The following SLMAP variants were observed in gnomAD, a reference collection of about 807,000 sequenced individuals.
SLMAP encodes the protein sarcolemma associated protein, also known as sarcolemmal membrane-associated protein.
SLMAP carries 44 observed loss-of-function variants against 128.8 expected under a neutral mutation model. That is an observed-to-expected ratio of 0.34 (90% confidence interval 0.27 to 0.44). The LOEUF (loss-of-function observed/expected upper bound fraction) is 0.44. SLMAP is among the 20% of genes least tolerant of loss of function. The pLI is 1.00. For synonymous variants in SLMAP, 327 were observed against 348.8 expected, an observed-to-expected ratio of 0.94 and a Z score of 0.70; for missense variants, 787 against 985.3, an observed-to-expected ratio of 0.80 and a Z score of 2.69.
At chr3:57,803,924 T>C (rs1259652632) in intron 2 of SLMAP, among the ~76,000 whole-genome samples, 1 of 152,254 alleles carries the variant, frequency 6.6e-6, no homozygotes, top group Admixed American at 6.5e-5. Context: ...TTCTACTCTT[T>C]ACCGATTTTG....
chr3:57,852,045 G>T (rs945470195), intron 6 of SLMAP, among the ~76,000 whole-genome samples: 3 of 151,984 alleles, frequency 2.0e-5, no homozygotes, highest in Admixed American at 6.6e-5. Flanking sequence ...TGAGTAGCTG[G>T]GACTACAGGC....
chr3:57,788,173 A>C (rs537331845), intron 2 of SLMAP, among the ~76,000 whole-genome samples: 1 of 152,346 alleles, frequency 6.6e-6, no homozygotes, highest in Non-Finnish European at 1.5e-5. Flanking sequence ...ATTTTTGTGA[A>C]TCATATAGGA....
intron 2 of SLMAP, among the ~76,000 whole-genome samples, chr3:57,766,002 T>G (rs1297437093): frequency 6.9e-6 from 1 of 145,692 alleles, no homozygotes; most frequent in African/African-American, 2.5e-5. Context: ...TTTTCTTTCT[T>G]TTTTTTTTTT....
intron 3 of SLMAP, among the ~76,000 whole-genome samples, chr3:57,839,161 C>G (rs1342162794): frequency 6.6e-6 from 1 of 151,892 alleles, no homozygotes; most frequent in Non-Finnish European, 1.5e-5. Flanking sequence ...CTATGTTGCC[C>G]AAGCTGAACT....
chr3:57,870,902 T>A (rs1400336860), intron 13 of SLMAP, among the ~76,000 whole-genome samples: 1 of 152,214 alleles, frequency 6.6e-6, no homozygotes, highest in Non-Finnish European at 1.5e-5. Context: ...ACTCTTTAAA[T>A]CACAATAAAG....
In SLMAP at chr3:57,923,094, A is replaced by G. The variant is rs551649998; in HGVS notation, c.2445+71A>G. 7 of 1,394,780 alleles carry G rather than the reference A, an allele frequency of 5.0e-6. No homozygotes were observed. The African/African-American group carries it at 5.7e-5, about 11-fold the overall frequency. 86.4% of individuals were successfully genotyped at this position (1,394,780 alleles called of 1,614,324 possible). A position where few individuals can be genotyped will look rare whatever the true frequency, so the allele number is the denominator to read the frequency against. ...AGAGATTGAAATTGATTTTCAGAGG[A>G]CTTTATCACTGATTTGTGAAGCAAA... is the stretch of plus-strand genomic sequence containing the variant. On this transcript the variant is annotated intron_variant, in intron 23 of 24. Transcript: ENST00000671191.
chr3:57,877,038 CT>C (rs764650102), intron 14 of SLMAP, among the ~76,000 whole-genome samples: 350 of 145,404 alleles, frequency 2.4e-3, no homozygotes, highest in Middle Eastern at 3.5e-3. Flanking sequence ...CCTTTGTATT[CT>C]TTTTTTTTTT....
chr3:57,889,517 A>T lies in SLMAP; in HGVS notation c.1301-524A>T, dbSNP rs143372573. Among the ~76,000 whole-genome samples the T allele has an allele frequency of 1.4e-3, 219 of 152,340 alleles. 1 individual carries two copies. The highest frequency in any genetic ancestry group is 4.6e-3 in the African/African-American group (192 of 41,590). ...TGACTTTAAATTATAAAAAAGTAGC[A>T]TTATACATTTACAGAAAATCCCCCA... On this transcript the variant is annotated intron_variant, in intron 14 of 24. Coordinates refer to ENST00000671191, the MANE Select transcript of SLMAP (RefSeq NM_001377540.1).
chr3:57,763,964 G>T (rs2079163457), intron 2 of SLMAP, among the ~76,000 whole-genome samples: 1 of 152,164 alleles, frequency 6.6e-6, no homozygotes, highest in African/African-American at 2.4e-5. Context: ...AGCCAAGGGT[G>T]CACATCTATT....
At chr3:57,888,331 A>G (rs935233355) in intron 14 of SLMAP, among the ~76,000 whole-genome samples, 2 of 152,234 alleles carry the variant, frequency 1.3e-5, no homozygotes, top group Admixed American at 6.5e-5. Context: ...TTCAATATAA[A>G]TACTGATTAT....
At chr3:57,885,186 C>T (rs2095848055) in intron 14 of SLMAP, among the ~76,000 whole-genome samples, 1 of 151,588 alleles carries the variant, frequency 6.6e-6, no homozygotes, top group African/African-American at 2.4e-5. Context: ...AATTCTCCTG[C>T]CTCAGCCTCC....
At chr3:57,926,158 T>A in intron 24 of SLMAP, 2 of 532,774 alleles carry the variant, frequency 3.8e-6, no homozygotes, top group Non-Finnish European at 6.7e-6. Flanking sequence ...ATGAGTTAAT[T>A]CCAACCTAAC....
chr3:57,923,102 A>C, intron 23 of SLMAP, 79 bp downstream of exon 23: 1 of 1,358,012 alleles, frequency 7.4e-7, no homozygotes, highest in South Asian at 1.2e-5. Context: ...GGACTTTATC[A>C]CTGATTTGTG....
intron 14 of SLMAP, among the ~76,000 whole-genome samples, chr3:57,888,790 T>C (rs1446349899): frequency 1.3e-5 from 2 of 152,030 alleles, no homozygotes; most frequent in Non-Finnish European, 2.9e-5. Context: ...TGGCTAAAAG[T>C]TGTAGGAAGT....
intron 3 of SLMAP, 86 bp downstream of exon 3, chr3:57,831,616 A>G: frequency 1.0e-6 from 1 of 972,084 alleles, no homozygotes; most frequent in South Asian, 2.9e-5. Flanking sequence ...ATGAAACATT[A>G]CATGCTTGTG....
intron 5 of SLMAP, among the ~76,000 whole-genome samples, chr3:57,849,191 T>C (rs963189446): frequency 6.6e-6 from 1 of 152,074 alleles, no homozygotes; most frequent in African/African-American, 2.4e-5. Context: ...GCCCGGCCCT[T>C]TTTTGTTTGT....
At position 57,907,935 on chromosome 3, in the gene SLMAP, A is replaced by G. The variant is rs1470453143; in HGVS notation, c.1553A>G (p.His518Arg). The G allele has an allele frequency of 6.2e-7, 1 of 1,613,888 alleles. No homozygotes were observed. The highest frequency in any genetic ancestry group is 8.5e-7 in the Non-Finnish European group (1 of 1,179,790). Residue 518 changes from histidine (H) to arginine (R), a missense_variant, in exon 18 of 25, where the codon CAT becomes CGT. By Grantham distance (29) the His-to-Arg change is conservative. This residue lies in a region of SLMAP where 715 missense variants were observed against 843.6 expected (regional missense o/e 0.85). Coordinates refer to ENST00000671191, the MANE Select transcript of SLMAP (RefSeq NM_001377540.1). The part of the protein sequence containing the change: ...SEIEAKQEIQ[H>R]LRKELIEAQE... ...ATTGAGGCAAAGCAAGAAATACAGC[A>G]TCTTCGAAAGGAATTGATCGAAGCC...
chr3:57,892,895 T>C (rs1472109606), intron 15 of SLMAP, among the ~76,000 whole-genome samples: 2 of 145,362 alleles, frequency 1.4e-5, no homozygotes, highest in Non-Finnish European at 3.0e-5. Context: ...GTGCAGTGGC[T>C]CAATCTCGGC....
At chr3:57,853,955 TTATA>T (rs1157170350) in intron 6 of SLMAP, among the ~76,000 whole-genome samples, 797 of 31,862 alleles carry the variant, frequency 0.025, 14 homozygotes, top group South Asian at 0.043. Context: ...AAAAAAAAAA[TTATA>T]TATATATATA....
Sources: gnomAD v4.1 joint callset for allele counts (sites outside exome capture counted in the v4.1 genomes callset) on GRCh38, gnomAD v4.1.1 for gene constraint, gnomAD v4.1.1 regional missense constraint, MANE v1.5 for transcripts, NCBI Gene and HGNC (gene_info 2026-07-23, HGNC 2026-07-21) for gene names.